Variants in HERC6 observed in about 807,000 individuals in gnomAD.
HERC6 encodes HECT and RLD domain containing E3 ubiquitin protein ligase family member 6, also known as probable E3 ubiquitin-protein ligase HERC6.
Under a neutral mutation model 114.5 loss-of-function variants are expected in HERC6, and 101 were observed. The observed-to-expected ratio is 0.88, with a 90% CI of 0.75 to 1.04. The LOEUF (loss-of-function observed/expected upper bound fraction) is 1.04, where lower values mean the gene tolerates loss of function less well. HERC6 is among the 50% of genes least tolerant of loss of function. HERC6 has a pLI of 0.00. For synonymous variants in HERC6, 408 were observed against 436.2 expected (o/e 0.94, Z 0.81); for missense variants, 1,133 against 1,230.9 (o/e 0.92, Z 1.19).
chr4:88,421,470 C>T (rs1330494543), intron 13 of HERC6, among the ~76,000 whole-genome samples: 4 of 142,856 alleles, frequency 2.8e-5, no homozygotes, highest in South Asian at 2.2e-4. Context: ...TTTTTTGAGA[C>T]GGATTCTTGC....
rs1462830031 is a variant in HERC6, at chr4:88,379,643, T to TAA, written c.199+524_199+525insAA. On this transcript the variant is annotated intron_variant, in intron 1 of 22. Transcript: ENST00000264346. ...TAAAAAATATATATATATAAAAATA[T>TAA]ATATATAAAATATATAAATATATAT... 8.4e-5 allele frequency among the ~76,000 whole-genome samples: 10 copies of TAA among 119,362 alleles called. 1 individual carries two copies. Among genetic ancestry groups the TAA allele is most frequent in the African/African-American group, 3.0e-4 (9 of 29,826 alleles). 78.3% of individuals were successfully genotyped at this position (119,362 alleles called of 152,430 possible).
At chr4:88,421,736 G>A (rs1363150477) in intron 13 of HERC6, among the ~76,000 whole-genome samples, 5 of 152,014 alleles carry the variant, frequency 3.3e-5, no homozygotes, top group South Asian at 4.1e-4. Context: ...ATAAGCCACC[G>A]CACCCGACCA....
intron 16 of HERC6, 88 bp from the exon 17 acceptor site, chr4:88,431,074 A>T: frequency 8.6e-7 from 1 of 1,157,252 alleles, no homozygotes; most frequent in Non-Finnish European, 1.2e-6. Context: ...AGAGACTGCA[A>T]GAATGGTCGT....
intron 14 of HERC6, among the ~76,000 whole-genome samples, chr4:88,424,333 A>G (rs1737371762): frequency 6.6e-6 from 1 of 152,158 alleles, no homozygotes; most frequent in Non-Finnish European, 1.5e-5. Flanking sequence ...TCGAAAAAAT[A>G]CAAATACGTG....
intron 13 of HERC6, among the ~76,000 whole-genome samples, chr4:88,419,771 C>G (rs144811809): frequency 6.6e-6 from 1 of 152,178 alleles, no homozygotes; most frequent in East Asian, 1.9e-4. Context: ...AATTTACTGT[C>G]TTAAGCTGCA....
intron 17 of HERC6, among the ~76,000 whole-genome samples, chr4:88,432,218 C>T (rs962104796): frequency 4.6e-5 from 7 of 151,906 alleles, no homozygotes; most frequent in East Asian, 1.9e-4. Flanking sequence ...AAGGTGTATA[C>T]GAACTATTAA....
intron 13 of HERC6, among the ~76,000 whole-genome samples, chr4:88,422,078 T>G (rs1283161289): frequency 6.6e-6 from 1 of 152,236 alleles, no homozygotes; most frequent in South Asian, 2.1e-4. Context: ...GGTGTCTTTA[T>G]GCACAAATGT....
At chr4:88,382,291 G>T (rs766513601) in intron 1 of HERC6, among the ~76,000 whole-genome samples, 1 of 152,198 alleles carries the variant, frequency 6.6e-6, no homozygotes, top group Non-Finnish European at 1.5e-5. Context: ...AGGTTGGCTT[G>T]TAGGGAAATG....
Position 88,413,128 on chromosome 4 carries a change from C to G in HERC6, c.1420C>G (p.Pro474Ala), listed in dbSNP as rs772258440. 9.3e-6 allele frequency: 15 copies of G among 1,613,412 alleles called. No individual in the cohort carries two copies. The African/African-American group carries it at 1.9e-4, about 20-fold the overall frequency. The change falls in exon 12 of 23, where the codon CCA becomes GCA. Residue 474 changes from proline (P) to alanine (A), a missense_variant. Pro to Ala is a conservative substitution (Grantham distance 27). Coordinates refer to ENST00000264346, the MANE Select transcript of HERC6 (RefSeq NM_017912.4). ...DLLRALPCHSPHQEALSVFLL... is the reference protein window; with the variant it reads ...DLLRALPCHSAHQEALSVFLL... ...GCTCAGAGCTCTTCCATGCCATTCT[C>G]CACACCAAGAAGCTTTATCAGTTTT...
intron 11 of HERC6, among the ~76,000 whole-genome samples, chr4:88,410,458 T>C (rs1379261320): frequency 2.0e-5 from 3 of 152,168 alleles, no homozygotes; most frequent in African/African-American, 7.2e-5. Context: ...CTTTCCCCTT[T>C]AGCTTAGTGA....
At chr4:88,380,147 A>AATATATATAATATATAAAT (rs1560528662) in intron 1 of HERC6, among the ~76,000 whole-genome samples, 1 of 23,150 alleles carries the variant, frequency 4.3e-5, no homozygotes, top group Admixed American at 8.8e-4. Context: ...ATAATATATA[A>AATATATATAATATATAAAT]ATATATATAA....
At chr4:88,419,363 G>A (rs1445550770) in intron 13 of HERC6, among the ~76,000 whole-genome samples, 1 of 152,190 alleles carries the variant, frequency 6.6e-6, no homozygotes, top group Non-Finnish European at 1.5e-5. Context: ...TCTGCTTTGG[G>A]TGGTAGTCCC....
chr4:88,442,410 G>A lies in HERC6; in HGVS notation c.3019G>A (p.Ala1007Thr). 6.2e-7 allele frequency: 1 copy of A among 1,614,038 alleles called. No homozygotes were observed. Among genetic ancestry groups the A allele is most frequent in the Non-Finnish European group, 8.5e-7 (1 of 1,179,986 alleles). Residue 1007 changes from alanine (A) to threonine (T), a missense_variant, in exon 23 of 23, where the codon GCC (alanine) becomes ACC (threonine). Transcript: ENST00000264346. ...AAGAATGGAGGAAGCACTTCAAGTA[G>A]CCATCAACAACAACAGAGGATTTGT... ...MERMEEALQV[A>T]INNNRGFVSP...
At chr4:88,418,305 G>GA (rs1017221136) in intron 13 of HERC6, among the ~76,000 whole-genome samples, 26 of 151,864 alleles carry the variant, frequency 1.7e-4, no homozygotes, top group Non-Finnish European at 3.1e-4. Context: ...TATGTTGTAA[G>GA]AAAAAAAACC....
chr4:88,408,767 G>C, intron 11 of HERC6, 150 bp downstream of exon 11: 1 of 638,642 alleles, frequency 1.6e-6, no homozygotes, highest in African/African-American at 1.8e-5. Flanking sequence ...CTGAGACTAT[G>C]ACATTGTAGT....
chr4:88,433,773 A>G (rs949016311), intron 17 of HERC6, among the ~76,000 whole-genome samples: 55 of 152,326 alleles, frequency 3.6e-4, no homozygotes, highest in Non-Finnish European at 7.1e-4. Flanking sequence ...GAACTAAGGC[A>G]TATTTATTAG....
At chr4:88,396,743 A>G in intron 6 of HERC6, 108 bp from the exon 7 acceptor site, 1 of 1,068,788 alleles carries the variant, frequency 9.4e-7, no homozygotes, top group Non-Finnish European at 1.3e-6. Context: ...GTACTTAGTA[A>G]AAGTAAATTG....
intron 18 of HERC6, among the ~76,000 whole-genome samples, chr4:88,436,437 G>C (rs1010254830): frequency 6.6e-6 from 1 of 152,186 alleles, no homozygotes; most frequent in African/African-American, 2.4e-5. Flanking sequence ...GTGTGCTGGA[G>C]CAGGGGTTCT....
At chr4:88,407,499 G>A (rs1466016683) in intron 10 of HERC6, among the ~76,000 whole-genome samples, 2 of 151,522 alleles carry the variant, frequency 1.3e-5, no homozygotes, top group Non-Finnish European at 2.9e-5. Context: ...CTCCTGGCTT[G>A]AGCTATCCTT....
Sources: allele counts gnomAD v4.1 joint callset (sites outside exome capture counted in the v4.1 genomes callset), GRCh38; gene constraint gnomAD v4.1.1; transcripts MANE v1.5; gene names NCBI Gene and HGNC (gene_info 2026-07-23, HGNC 2026-07-21).